Variants in POU2F2 observed in about 807,000 individuals in gnomAD.
POU2F2 encodes the protein POU class 2 homeobox 2, also known as POU domain, class 2, transcription factor 2.
A neutral mutation model predicts 63.5 loss-of-function variants in POU2F2; 14 were observed. The observed-to-expected ratio is 0.22, with a 90% CI of 0.15 to 0.34. The LOEUF is 0.34. POU2F2 is among the 10% of genes least tolerant of loss of function. The pLI is 1.00. For synonymous variants in POU2F2, 306 were observed against 348.6 expected, an observed-to-expected ratio of 0.88 and a Z score of 1.36; for missense variants, 607 against 815.2, an observed-to-expected ratio of 0.74 and a Z score of 3.11.
In POU2F2 at chr19:42,153,369, T is replaced by C. The variant is rs1314497197; in HGVS notation, c.-9+6963A>G. On this transcript the variant is annotated intron_variant, in intron 2 of 6. Transcript: ENST00000524801. This position sits in a 1 kb window ranked among gnomAD's most constrained non-coding sequence, Gnocchi z 5.6. ...CTGACGCTAAGTCTCTGTCTGTCCC[T>C]TGGGGATGTATCCCAGGAACACCTC... 6.6e-6 allele frequency among the ~76,000 whole-genome samples: 1 copy of C among 152,152 alleles called. No homozygotes were observed. Among genetic ancestry groups the C allele is most frequent in the Non-Finnish European group, 1.5e-5 (1 of 68,006 alleles).
In POU2F2 at chr19:42,095,978, G is replaced by A; in HGVS notation, c.730-49C>T. ...GCCCGAAGTCAGGGTGGGGCCTTCC[G>A]GCACTGGGCCCGCTCCGCCCGCCCA... On this transcript the variant is annotated intron_variant, in intron 8 of 14. Transcript: ENST00000692977. The surrounding 1 kb of genome is among the most constrained non-coding windows in gnomAD (Gnocchi z 7.1). The A allele has an allele frequency of 6.2e-7, 1 of 1,604,540 alleles. No individual in the cohort carries two copies. The highest frequency in any genetic ancestry group is 8.5e-7 in the Non-Finnish European group (1 of 1,175,398).
At chr19:42,124,802 C>A (rs188504301) in intron 1 of POU2F2, among the ~76,000 whole-genome samples, 1 of 152,260 alleles carries the variant, frequency 6.6e-6, no homozygotes, top group East Asian at 1.9e-4. Context: ...ATGAAAGATG[C>A]CAAACACAAA....
chr19:42,130,924 C>A (rs11879226), intron 1 of POU2F2, among the ~76,000 whole-genome samples: 45 of 139,926 alleles, frequency 3.2e-4, no homozygotes, highest in Middle Eastern at 3.6e-3. Context: ...GGGCCTCCCC[C>A]ATCCCAGCCC....
At chr19:42,143,723 C>A (rs1294816723) in intron 2 of POU2F2, among the ~76,000 whole-genome samples, 3 of 152,182 alleles carry the variant, frequency 2.0e-5, no homozygotes, top group Non-Finnish European at 4.4e-5. Flanking sequence ...CAATCCACGC[C>A]CGCGCTTCTT....
rs2146779341 is a variant in POU2F2, at chr19:42,155,433, C to T, written c.-9+4899G>A. ...CCCATCTGGTGTATTCTGGATTCCC[C>T]TTTCTTAGACAATCCCTCTGGCCCT... On this transcript the variant is annotated intron_variant, in intron 2 of 6. Coordinates refer to the POU2F2 transcript ENST00000524801. This position sits in a 1 kb window ranked among gnomAD's most constrained non-coding sequence, Gnocchi z 4.2. Among the ~76,000 whole-genome samples the T allele has an allele frequency of 6.6e-6, 1 of 152,286 alleles. No individual in the cohort carries two copies. The highest frequency in any genetic ancestry group is 6.5e-5 in the Admixed American group (1 of 15,300).
chr19:42,089,401 T>C lies in POU2F2; in HGVS notation c.*1856A>G, dbSNP rs2076644723. 1 of 152,556 alleles carries C rather than the reference T, an allele frequency of 6.6e-6. No homozygotes were observed. Among genetic ancestry groups the C allele is most frequent in the South Asian group, 2.1e-4 (1 of 4,826 alleles). 9.5% of individuals were successfully genotyped at this position (152,556 alleles called of 1,614,324 possible). A position where few individuals can be genotyped will look rare whatever the true frequency, so the allele number is the denominator to read the frequency against. Reference sequence around the variant, plus strand: ...TCTTTTTGCTTTCTTACTCCTTTTTTTCCTGTCTTTTTTTAAAGCTTTTTC... The same window carrying C: ...TCTTTTTGCTTTCTTACTCCTTTTTCTCCTGTCTTTTTTTAAAGCTTTTTC... On this transcript the variant is annotated 3_prime_UTR_variant, in exon 15 of 15. Transcript: ENST00000692977.
chr19:42,112,007 A>C (rs1161880091), intron 5 of POU2F2, among the ~76,000 whole-genome samples: 2 of 152,186 alleles, frequency 1.3e-5, no homozygotes, highest in African/African-American at 4.8e-5. Flanking sequence ...AGAATGATTC[A>C]ACAGGGAGAA....
At chr19:42,141,736 T>G (rs901492679) in intron 2 of POU2F2, among the ~76,000 whole-genome samples, 3 of 152,134 alleles carry the variant, frequency 2.0e-5, no homozygotes, top group African/African-American at 7.2e-5. Flanking sequence ...TGCCTTGGCC[T>G]CCCAAAGTGC....
At chr19:42,173,268 C>T (rs1394643385) in intron 1 of POU2F2, among the ~76,000 whole-genome samples, 1 of 152,176 alleles carries the variant, frequency 6.6e-6, no homozygotes, top group African/African-American at 2.4e-5. Context: ...TGGAAATTAA[C>T]CAGCACATGC....
intron 1 of POU2F2, among the ~76,000 whole-genome samples, chr19:42,189,515 C>T (rs2035052703): frequency 6.6e-6 from 1 of 152,204 alleles, no homozygotes; most frequent in Non-Finnish European, 1.5e-5. Context: ...CTTCTTCAGT[C>T]TCTCCCTCTG....
chr19:42,151,718 G>A lies in POU2F2; in HGVS notation c.-9+8614C>T, dbSNP rs927588424. On this transcript the variant is annotated intron_variant, in intron 2 of 6. Coordinates refer to the POU2F2 transcript ENST00000524801. ...CCCCTCACTTCTCTTCCTACTAAGG[G>A]AAGACATCTTCCTCTCCTGCCCTCC... Among the ~76,000 whole-genome samples, 72 of 152,138 alleles carry A rather than the reference G, an allele frequency of 4.7e-4. 1 individual carries two copies. Among genetic ancestry groups the A allele is most frequent in the Non-Finnish European group, 6.3e-4 (43 of 68,022 alleles).
At chr19:42,116,928 C>A in intron 5 of POU2F2, 1 of 551,234 alleles carries the variant, frequency 1.8e-6, no homozygotes, top group Non-Finnish European at 3.5e-6. Flanking sequence ...CACTGGACTG[C>A]TGCACGGCGG....
intron 7 of POU2F2, among the ~76,000 whole-genome samples, chr19:42,097,651 A>G (rs1298955463): frequency 6.6e-6 from 1 of 152,080 alleles, no homozygotes; most frequent in Non-Finnish European, 1.5e-5. Context: ...CTCTACAAAA[A>G]TTTTAAAAAT....
chr19:42,150,726 C>T (rs1463512371), intron 2 of POU2F2, among the ~76,000 whole-genome samples: 2 of 152,138 alleles, frequency 1.3e-5, no homozygotes, highest in Non-Finnish European at 2.9e-5. Context: ...ATATTTTTCC[C>T]CCAGCTTCTC....
rs1231738364 is a variant in POU2F2, at chr19:42,091,360, G to A, written c.1772C>T (p.Ser591Leu). Reference protein sequence around the residue: ...ISSKSPGLSSSSSSSSSSSSS... With the variant: ...ISSKSPGLSSLSSSSSSSSSS... ...GGAGGAGGATGAGGATGAAGAGGAT[G>A]AGGAGGAGAGGCCAGGAGACTTGCT... The change falls in exon 15 of 15, where the codon TCA becomes TTA. Residue 591 changes from serine (S) to leucine (L), a missense_variant. By Grantham distance (145) the Ser-to-Leu change is moderately radical. Coordinates refer to ENST00000692977, the MANE Select transcript of POU2F2 (RefSeq NM_001394376.1). 10 of 1,538,412 alleles carry A rather than the reference G, an allele frequency of 6.5e-6. No individual in the cohort carries two copies. In the Admixed American group the frequency reaches 1.2e-4, roughly 18 times the overall value.
intron 1 of POU2F2, among the ~76,000 whole-genome samples, chr19:42,166,524 C>A (rs549408804): frequency 2.6e-5 from 4 of 152,170 alleles, no homozygotes; most frequent in African/African-American, 9.6e-5. Context: ...TGACTCAAAG[C>A]CGGGTGTGTC....
At chr19:42,157,920 A>T (rs1374869597) in intron 2 of POU2F2, among the ~76,000 whole-genome samples, 2 of 152,148 alleles carry the variant, frequency 1.3e-5, no homozygotes, top group East Asian at 3.8e-4. Flanking sequence ...CCACAACCCC[A>T]GGGCTGGGAG....
intron 1 of POU2F2, among the ~76,000 whole-genome samples, chr19:42,126,155 A>T (rs1417982279): frequency 6.6e-6 from 1 of 152,146 alleles, no homozygotes; most frequent in Non-Finnish European, 1.5e-5. Context: ...CATCCTTATA[A>T]GAAGAGGGGG....
At position 42,091,589 on chromosome 19, in the gene POU2F2, G is replaced by A; in HGVS notation, c.1543C>T (p.Leu515=). 6.5e-7 allele frequency: 1 copy of A among 1,547,086 alleles called. No individual in the cohort carries two copies. The change falls in exon 15 of 15, where the codon CTG becomes TTG. Residue 515 remains leucine (L), a splice_region_variant and synonymous_variant. Coordinates refer to ENST00000692977, the MANE Select transcript of POU2F2 (RefSeq NM_001394376.1). Reference sequence around the variant, plus strand: ...AGGGGCAGGGTTCCACCAGAGGCCAGGGCTGGCGGGGAGAGAGAGAGGCTG... The same window carrying A: ...AGGGGCAGGGTTCCACCAGAGGCCAAGGCTGGCGGGGAGAGAGAGAGGCTG... ...SNNPLATIQA[L]ASGGTLPLTS...
Sources: gnomAD v4.1 joint callset for allele counts (sites outside exome capture counted in the v4.1 genomes callset) on GRCh38, gnomAD v4.1.1 for gene constraint, Gnocchi (gnomAD v3.1) non-coding constraint, MANE v1.5 for transcripts, NCBI Gene and HGNC (gene_info 2026-07-23, HGNC 2026-07-21) for gene names.